The following CAMK1D variants were observed in gnomAD, a reference collection of about 807,000 sequenced individuals.
CAMK1D encodes the protein calcium/calmodulin-dependent protein kinase type 1D.
CAMK1D carries 9 observed loss-of-function variants against 47.7 expected under a neutral mutation model. The ratio of observed to expected loss-of-function variants is 0.19; its 90% confidence interval spans 0.11 to 0.33. The LOEUF (loss-of-function observed/expected upper bound fraction) is 0.33, where lower values mean the gene tolerates loss of function less well. Ranked by LOEUF, CAMK1D falls within the 10% of genes least tolerant of loss-of-function variation. CAMK1D has a pLI of 1.00. For synonymous variants in CAMK1D, 184 were observed against 184.9 expected (o/e 0.99, Z 0.04); for missense variants, 291 against 488.7 (o/e 0.60, Z 3.81).
At chr10:12,525,049 C>T (rs927530197) in intron 1 of CAMK1D, among the ~76,000 whole-genome samples, 1 of 151,920 alleles carries the variant, frequency 6.6e-6, no homozygotes, top group Non-Finnish European at 1.5e-5. Flanking sequence ...GGATTTTTTT[C>T]CATTGTCTTC....
chr10:12,665,424 T>C (rs936317396), intron 2 of CAMK1D, among the ~76,000 whole-genome samples: 3 of 152,256 alleles, frequency 2.0e-5, no homozygotes, highest in African/African-American at 4.8e-5. Context: ...TCTTGCTGTT[T>C]AGCGGCAACA....
At chr10:12,577,365 C>G (rs2132329479) in intron 2 of CAMK1D, among the ~76,000 whole-genome samples, 1 of 152,314 alleles carries the variant, frequency 6.6e-6, no homozygotes, top group East Asian at 1.9e-4. Context: ...AATCTGACCT[C>G]TCCCTCTAGG....
At chr10:12,803,784 T>G (rs1838591539) in intron 6 of CAMK1D, among the ~76,000 whole-genome samples, 1 of 152,194 alleles carries the variant, frequency 6.6e-6, no homozygotes, top group Admixed American at 6.5e-5. Flanking sequence ...GGACTCACTT[T>G]CCCTGTCTCT....
intron 8 of CAMK1D, among the ~76,000 whole-genome samples, chr10:12,817,030 G>C (rs1832827487): frequency 1.3e-5 from 2 of 152,110 alleles, no homozygotes; most frequent in Non-Finnish European, 2.9e-5. Context: ...GATGGGAGCA[G>C]GCAAAAAGAG....
intron 3 of CAMK1D, among the ~76,000 whole-genome samples, chr10:12,709,818 T>G (rs1221525022): frequency 6.6e-6 from 1 of 152,332 alleles, no homozygotes; most frequent in East Asian, 1.9e-4. Flanking sequence ...ACTTTTTTAT[T>G]ATGTGGTAGC....
In CAMK1D at chr10:12,520,296, C is replaced by T. The variant is rs894309234; in HGVS notation, c.93-32929C>T. ...GGCGCTCCTCACATCCTAGACAGGG[C>T]GGCGGGGCAGAGGCGCTCCCCACTC... is the stretch of plus-strand genomic sequence containing the variant. On this transcript the variant is annotated intron_variant, in intron 1 of 10. Coordinates refer to ENST00000619168, the MANE Select transcript of CAMK1D (RefSeq NM_153498.4). Among the ~76,000 whole-genome samples, 26 of 87,268 alleles carry T rather than the reference C, an allele frequency of 3.0e-4. 8 individuals carry two copies. The highest frequency in any genetic ancestry group is 5.6e-4 in the Non-Finnish European group (23 of 41,270). 57.3% of individuals were successfully genotyped at this position (87,268 alleles called of 152,430 possible).
At chr10:12,727,567 T>C (rs1834702304) in intron 3 of CAMK1D, among the ~76,000 whole-genome samples, 1 of 152,214 alleles carries the variant, frequency 6.6e-6, no homozygotes, top group Non-Finnish European at 1.5e-5. Context: ...CAACAGTGTC[T>C]TCTGGGCACA....
At chr10:12,820,150 C>T (rs1280424678) in intron 8 of CAMK1D, among the ~76,000 whole-genome samples, 1 of 152,282 alleles carries the variant, frequency 6.6e-6, no homozygotes, top group South Asian at 2.1e-4. Flanking sequence ...AACGATTCTC[C>T]TGCCTCAGCC....
chr10:12,392,010 CACACACAA>C (rs1274160705), intron 1 of CAMK1D, among the ~76,000 whole-genome samples: 1 of 147,948 alleles, frequency 6.8e-6, no homozygotes, highest in Non-Finnish European at 1.5e-5. Context: ...CACACACACA[CACACACAA>C]ACAGTCTGGG....
chr10:12,477,749 G>T (rs1051369513), intron 1 of CAMK1D, among the ~76,000 whole-genome samples: 1 of 152,176 alleles, frequency 6.6e-6, no homozygotes, highest in African/African-American at 2.4e-5. Flanking sequence ...GCTGAAGGCG[G>T]AGGGAGTGCT....
At chr10:12,627,219 C>G (rs1043756449) in intron 2 of CAMK1D, among the ~76,000 whole-genome samples, 2 of 151,648 alleles carry the variant, frequency 1.3e-5, no homozygotes, top group Non-Finnish European at 2.9e-5. Context: ...GTAGCTGGGA[C>G]TACAGGTGCC....
At chr10:12,659,213 T>C (rs1840203668) in intron 2 of CAMK1D, among the ~76,000 whole-genome samples, 1 of 152,204 alleles carries the variant, frequency 6.6e-6, no homozygotes, top group Admixed American at 6.5e-5. Flanking sequence ...AACAAGTGAC[T>C]TGTAAGCCAT....
At chr10:12,454,455 C>T (rs1833182542) in intron 1 of CAMK1D, among the ~76,000 whole-genome samples, 1 of 152,118 alleles carries the variant, frequency 6.6e-6, no homozygotes, top group Admixed American at 6.6e-5. Flanking sequence ...AGCCACCACT[C>T]CCGGCCGAAT....
chr10:12,678,131 A>G (rs930911994), intron 3 of CAMK1D, among the ~76,000 whole-genome samples: 2 of 152,148 alleles, frequency 1.3e-5, no homozygotes, highest in African/African-American at 4.8e-5. Flanking sequence ...TTTTTAATGT[A>G]AGCATTTATA....
At chr10:12,689,424 C>G (rs751556648) in intron 3 of CAMK1D, among the ~76,000 whole-genome samples, 1 of 152,170 alleles carries the variant, frequency 6.6e-6, no homozygotes, top group Non-Finnish European at 1.5e-5. Context: ...TGCATTTGAA[C>G]AGAAAACTCA....
intron 1 of CAMK1D, among the ~76,000 whole-genome samples, chr10:12,479,579 C>T (rs12768709): frequency 0.13 from 20,400 of 152,254 alleles, 1,542 homozygotes; most frequent in Non-Finnish European, 0.18. Context: ...CAGCTCTGTG[C>T]TGAGTCTCCC....
At chr10:12,467,133 G>A (rs371699734) in intron 1 of CAMK1D, among the ~76,000 whole-genome samples, 14 of 152,112 alleles carry the variant, frequency 9.2e-5, no homozygotes, top group African/African-American at 2.9e-4. Context: ...ATTGTGACTC[G>A]GCAAAGGGGT....
intron 3 of CAMK1D, among the ~76,000 whole-genome samples, chr10:12,697,658 C>A (rs1833350576): frequency 1.3e-5 from 2 of 152,210 alleles, no homozygotes; most frequent in African/African-American, 4.8e-5. Context: ...CTTGGCCTCC[C>A]AAAGTGCTGG....
chr10:12,560,519 C>T (rs1015038358), intron 2 of CAMK1D, among the ~76,000 whole-genome samples: 1 of 141,590 alleles, frequency 7.1e-6, no homozygotes, highest in African/African-American at 2.7e-5. Flanking sequence ...CACCACTGCA[C>T]TTCAGCCTGG....
Sources: gnomAD v4.1 joint callset for allele counts (sites outside exome capture counted in the v4.1 genomes callset) on GRCh38, gnomAD v4.1.1 for gene constraint, MANE v1.5 for transcripts, NCBI Gene and HGNC (gene_info 2026-07-23, HGNC 2026-07-21) for gene names.